Variants in FZD9 observed in about 807,000 individuals in gnomAD.
FZD9 encodes the protein frizzled-9.
FZD9 carries 29 observed loss-of-function variants against 29.9 expected under a neutral mutation model. That is an observed-to-expected ratio of 0.97 (90% CI 0.72 to 1.32). The LOEUF (loss-of-function observed/expected upper bound fraction) is 1.32. Among genes scored for constraint, FZD9 ranks in the 40% most tolerant of loss-of-function variants. The pLI is 0.00. For synonymous variants in FZD9, 384 were observed against 393.9 expected (o/e 0.97, Z 0.30); for missense variants, 822 against 857.8 (o/e 0.96, Z 0.52).
chr7:73,435,598 T>C lies in FZD9; in HGVS notation c.1591T>C (p.Ser531Pro), dbSNP rs575573500. ...CACCAGCGGCGTCTGGGTGTGGAGC[T>C]CCAAGACTTTCCAGACCTGGCAGAG... ...GITSGVWVWS[S>P]KTFQTWQSLC... is the part of the protein sequence containing the mutation. The change falls in exon 1 of 1, where the codon TCC becomes CCC. Residue 531 changes from serine to proline, a missense_variant. By Grantham distance (74) the Ser-to-Pro change is moderately conservative. Coordinates refer to ENST00000344575, the MANE Select transcript of FZD9 (RefSeq NM_003508.3). 30 of 1,613,028 alleles carry C rather than the reference T, an allele frequency of 1.9e-5. No individual in the cohort carries two copies. In the South Asian group the frequency reaches 3.2e-4, roughly 17 times the overall value.
At position 73,434,268 on chromosome 7, in the gene FZD9, C is replaced by T. The variant is rs1157785488; in HGVS notation, c.261C>T (p.His87=). Residue 87 remains histidine, a synonymous_variant, in exon 1 of 1, where the codon CAC becomes CAT. Coordinates refer to ENST00000344575, the MANE Select transcript of FZD9 (RefSeq NM_003508.3). ...TGGTGCAGTACGGCTGCCACAGCCA[C>T]CTGCGCTTCTTCCTGTGCTCGCTCT... The part of the protein sequence containing the change: ...APLVQYGCHS[H]LRFFLCSLYA... The T allele has an allele frequency of 6.3e-7, 1 of 1,588,400 alleles. No individual in the cohort carries two copies. The highest frequency in any genetic ancestry group is 1.7e-5 in the Admixed American group (1 of 58,086).
Position 73,434,636 on chromosome 7 carries a change from C to A in FZD9, c.629C>A (p.Ser210Ter). 1 of 1,595,062 alleles carries A rather than the reference C, an allele frequency of 6.3e-7. No individual in the cohort carries two copies. Among genetic ancestry groups the A allele is most frequent in the Non-Finnish European group, 8.5e-7 (1 of 1,177,064 alleles). ...TTCCAGTACGTGGAGAAGAGCCGCTCGTGCGCACCGCGCTGCGGGCCCGGC... is the reference window on the plus strand; with the variant it reads ...TTCCAGTACGTGGAGAAGAGCCGCTAGTGCGCACCGCGCTGCGGGCCCGGC... ...EKFQYVEKSR[S>*]CAPRCGPGVE... Residue 210 changes from serine to a stop codon, truncating the protein, a stop_gained, in exon 1 of 1, where the codon TCG becomes TAG. Transcript: ENST00000344575. LOFTEE classifies it high-confidence loss of function.
Position 73,435,011 on chromosome 7 carries a change from C to A in FZD9, c.1004C>A (p.Thr335Lys). The A allele has an allele frequency of 6.2e-7, 1 of 1,613,986 alleles. No individual in the cohort carries two copies. Among genetic ancestry groups the A allele is most frequent in the Non-Finnish European group, 8.5e-7 (1 of 1,180,008 alleles). Reference sequence around the variant, plus strand: ...AGCTCGCTCTGGTGGGTGGTCCTGACGCTCACCTGGTTCCTGGCTGCCGGG... The same window carrying A: ...AGCTCGCTCTGGTGGGTGGTCCTGAAGCTCACCTGGTTCCTGGCTGCCGGG... ...MASSLWWVVL[T>K]LTWFLAAGKK... The change falls in exon 1 of 1, where the codon ACG becomes AAG. Residue 335 changes from threonine (T) to lysine (K), a missense_variant. Physicochemically the swap from Thr to Lys is moderately conservative, Grantham distance 78 (BLOSUM62 -1). Coordinates refer to ENST00000344575, the MANE Select transcript of FZD9 (RefSeq NM_003508.3).
rs937700444 is a variant in FZD9 at position 73,436,095 on chromosome 7, T to C, written c.*312T>C. On this transcript the variant is annotated 3_prime_UTR_variant, in exon 1 of 1. Transcript: ENST00000344575. ...TATTGTTGCGTTCCTCTGGAAGCTG[T>C]GACTGGAATAAACCCCCGCGTGGCA... 1.7e-5 allele frequency: 5 copies of C among 291,670 alleles called. No homozygotes were observed. Among genetic ancestry groups the C allele is most frequent in the African/African-American group, 4.4e-5 (2 of 45,402 alleles). 18.1% of individuals were successfully genotyped at this position (291,670 alleles called of 1,614,324 possible). A position where few individuals can be genotyped will look rare whatever the true frequency, so the allele number is the denominator to read the frequency against.
rs1787413218 is a variant in FZD9, at chr7:73,435,841, C to G, written c.*58C>G. Reference sequence around the variant, plus strand: ...CCCTCCTTGCCCTCCACGCCCTGCCCCCTGCATCCCCTAGAGACAGCTGAC... The same window carrying G: ...CCCTCCTTGCCCTCCACGCCCTGCCGCCTGCATCCCCTAGAGACAGCTGAC... On this transcript the variant is annotated 3_prime_UTR_variant, in exon 1 of 1. Transcript: ENST00000344575. 2.0e-6 allele frequency: 3 copies of G among 1,521,334 alleles called. No homozygotes were observed. The highest frequency in any genetic ancestry group is 4.5e-5 in the East Asian group (2 of 43,998). The allele number at this position is 1,521,334 out of a possible 1,614,324, so 94.2% of individuals were successfully genotyped here.
In FZD9 at chr7:73,433,874, G is replaced by T. The variant is rs55668598; in HGVS notation, c.-134G>T. ...CGGGCGGCTGCCCGCTCGCTGCCCAGGGCGCCCGGACACACGTGGGCGGCT... is the reference window on the plus strand; with the variant it reads ...CGGGCGGCTGCCCGCTCGCTGCCCATGGCGCCCGGACACACGTGGGCGGCT... On this transcript the variant is annotated 5_prime_UTR_variant, in exon 1 of 1. It adds an upstream start codon to the 5' untranslated region. Coordinates refer to ENST00000344575, the MANE Select transcript of FZD9 (RefSeq NM_003508.3). 1 of 677,464 alleles carries T rather than the reference G, an allele frequency of 1.5e-6. No homozygotes were observed. The highest frequency in any genetic ancestry group is 6.4e-5 in the South Asian group (1 of 15,554). The allele number at this position is 677,464 out of a possible 1,614,324, so 42.0% of individuals were successfully genotyped here.
Position 73,434,068 on chromosome 7 carries a change from G to A in FZD9, c.61G>A (p.Ala21Thr). Residue 21 changes from alanine to threonine, a missense_variant, in exon 1 of 1, where the codon GCG becomes ACG. Ala to Thr is a moderately conservative substitution (Grantham distance 58, BLOSUM62 0). Coordinates refer to ENST00000344575, the MANE Select transcript of FZD9 (RefSeq NM_003508.3). ...LLWQLLAAGG[A>T]ALEIGRFDPE... is the part of the protein sequence containing the mutation. ...GTGGCAGCTGCTGGCGGCGGGCGGC[G>A]CGGCACTGGAGATCGGCCGCTTCGA... 3 of 1,289,140 alleles carry A rather than the reference G, an allele frequency of 2.3e-6. No homozygotes were observed. The highest frequency in any genetic ancestry group is 2.9e-6 in the Non-Finnish European group (3 of 1,022,914). The allele number at this position is 1,289,140 out of a possible 1,614,324, so 79.9% of individuals were successfully genotyped here.
Position 73,435,745 on chromosome 7 carries a change from A to G in FZD9, c.1738A>G (p.Lys580Glu). Residue 580 changes from lysine to glutamate, a missense_variant, in exon 1 of 1, where the codon AAG (lysine) becomes GAG (glutamate). By Grantham distance (56) the Lys-to-Glu change is moderately conservative. Transcript: ENST00000344575. ...KAPTVVLHMT[K>E]TDPSLENPTH... is the part of the protein sequence containing the mutation. ...TCCCACCGTGGTCTTGCACATGACT[A>G]AGACGGACCCCTCTTTGGAGAACCC... 1 of 1,604,270 alleles carries G rather than the reference A, an allele frequency of 6.2e-7. No homozygotes were observed. The highest frequency in any genetic ancestry group is 1.7e-5 in the Admixed American group (1 of 59,308).
Position 73,433,820 on chromosome 7 carries a change from G to A in FZD9, c.-188G>A. ...GGCTCCGGTGGCAGCGGCGGTGGCG[G>A]CTAGGCGGGCTCGGCGGCTCCTGTC... On this transcript the variant is annotated 5_prime_UTR_variant, in exon 1 of 1. Coordinates refer to ENST00000344575, the MANE Select transcript of FZD9 (RefSeq NM_003508.3). 3.5e-6 allele frequency: 1 copy of A among 288,300 alleles called. No homozygotes were observed. Among genetic ancestry groups the A allele is most frequent in the Non-Finnish European group, 5.3e-6 (1 of 187,646 alleles). The allele number at this position is 288,300 out of a possible 1,614,324, so 17.9% of individuals were successfully genotyped here.
Position 73,435,275 on chromosome 7 carries a change from C to A in FZD9, c.1268C>A (p.Ala423Asp), listed in dbSNP as rs782243057. ...AGTTTCCTCCTGACCGGCTTCGTGGCCCTCTTCCACATCCGCAAGATCATG... is the reference window on the plus strand; with the variant it reads ...AGTTTCCTCCTGACCGGCTTCGTGGACCTCTTCCACATCCGCAAGATCATG... ...GSSFLLTGFV[A>D]LFHIRKIMKT... The change falls in exon 1 of 1, where the codon GCC becomes GAC. Residue 423 changes from alanine to aspartate, a missense_variant. Ala to Asp is a moderately radical substitution (Grantham distance 126). Coordinates refer to ENST00000344575, the MANE Select transcript of FZD9 (RefSeq NM_003508.3). 55 of 1,613,666 alleles carry A rather than the reference C, an allele frequency of 3.4e-5. No individual in the cohort carries two copies. Among genetic ancestry groups the A allele is most frequent in the Non-Finnish European group, 4.6e-5 (54 of 1,179,938 alleles).
rs781785546 is a variant in FZD9, at chr7:73,434,761, A to G, written c.754A>G (p.Thr252Ala). The G allele has an allele frequency of 6.2e-7, 1 of 1,611,898 alleles. No homozygotes were observed. Among genetic ancestry groups the G allele is most frequent in the East Asian group, 2.2e-5 (1 of 44,864 alleles). The part of the protein sequence containing the change: ...CFFSTAFTVL[T>A]FLLEPHRFQY... ...CTTCTCCACCGCCTTCACTGTGCTCACCTTCTTGCTGGAGCCCCACCGCTT... is the reference window on the plus strand; with the variant it reads ...CTTCTCCACCGCCTTCACTGTGCTCGCCTTCTTGCTGGAGCCCCACCGCTT... The change falls in exon 1 of 1, where the codon ACC becomes GCC. Residue 252 changes from threonine (T) to alanine (A), a missense_variant. Thr to Ala is a moderately conservative substitution (Grantham distance 58). Transcript: ENST00000344575.
At position 73,434,877 on chromosome 7, in the gene FZD9, G is replaced by A; in HGVS notation, c.870G>A (p.Gln290=). The change falls in exon 1 of 1, where the codon CAG becomes CAA. Residue 290 remains glutamine (Q), a synonymous_variant. Transcript: ENST00000344575. ...AFLIRAVAGA[Q]SVACDQEAGA... ...TGATCCGTGCGGTGGCCGGAGCGCA[G>A]AGCGTGGCCTGTGACCAGGAGGCGG... 6.2e-7 allele frequency: 1 copy of A among 1,613,584 alleles called. No homozygotes were observed. Among genetic ancestry groups the A allele is most frequent in the South Asian group, 1.1e-5 (1 of 91,076 alleles).
chr7:73,434,493 C>T lies in FZD9; in HGVS notation c.486C>T (p.Gly162=), dbSNP rs1554563313. ...AGGCGCCCGAGAACGCCACGGCCGGCCCCGCGGAGCCCCACAAGGGCCTGG... is the reference window on the plus strand; with the variant it reads ...AGGCGCCCGAGAACGCCACGGCCGGTCCCGCGGAGCCCCACAAGGGCCTGG... ...CMEAPENATA[G]PAEPHKGLGM... Residue 162 remains glycine (G), a synonymous_variant, in exon 1 of 1, where the codon GGC becomes GGT. Coordinates refer to ENST00000344575, the MANE Select transcript of FZD9 (RefSeq NM_003508.3). 2 of 1,471,850 alleles carry T rather than the reference C, an allele frequency of 1.4e-6. No homozygotes were observed. Among genetic ancestry groups the T allele is most frequent in the South Asian group, 2.6e-5 (2 of 76,246 alleles). 91.2% of individuals were successfully genotyped at this position (1,471,850 alleles called of 1,614,324 possible).
In FZD9 at chr7:73,434,251, T is replaced by C. The variant is rs1416324972; in HGVS notation, c.244T>C (p.Tyr82His). ...ELAEFAPLVQ[Y>H]GCHSHLRFFL... ...AGCGGAGTTCGCGCCGCTGGTGCAG[T>C]ACGGCTGCCACAGCCACCTGCGCTT... is the stretch of plus-strand genomic sequence containing the variant. The change falls in exon 1 of 1, where the codon TAC becomes CAC. Residue 82 changes from tyrosine to histidine, a missense_variant. Physicochemically the swap from Tyr to His is moderately conservative, Grantham distance 83. Transcript: ENST00000344575. The C allele has an allele frequency of 1.3e-6, 2 of 1,588,376 alleles. No homozygotes were observed. The highest frequency in any genetic ancestry group is 8.5e-7 in the Non-Finnish European group (1 of 1,174,224).
rs1237708463 is a variant in FZD9 at position 73,435,653 on chromosome 7, G to T, written c.1646G>T (p.Arg549Leu). ...TGCTACCGCAAGATAGCAGCTGGCCGGGCCCGGGCCAAGGCCTGCCGCGCC... is the reference window on the plus strand; with the variant it reads ...TGCTACCGCAAGATAGCAGCTGGCCTGGCCCGGGCCAAGGCCTGCCGCGCC... ...SLCYRKIAAG[R>L]ARAKACRAPG... The change falls in exon 1 of 1, where the codon CGG (arginine) becomes CTG (leucine). Residue 549 changes from arginine to leucine, a missense_variant. Physicochemically the swap from Arg to Leu is moderately radical, Grantham distance 102. Coordinates refer to ENST00000344575, the MANE Select transcript of FZD9 (RefSeq NM_003508.3). 6.2e-7 allele frequency: 1 copy of T among 1,613,096 alleles called. No individual in the cohort carries two copies. The highest frequency in any genetic ancestry group is 2.2e-5 in the East Asian group (1 of 44,874).
chr7:73,433,998 G>A lies in FZD9; in HGVS notation c.-10G>A. 1 of 1,206,140 alleles carries A rather than the reference G, an allele frequency of 8.3e-7. No homozygotes were observed. The allele number at this position is 1,206,140 out of a possible 1,614,324, so 74.7% of individuals were successfully genotyped here. A position where few individuals can be genotyped will look rare whatever the true frequency, so the allele number is the denominator to read the frequency against. ...GGCCGCGCTCCCGCCTTCGGCCCGG[G>A]CCTCCCGGGATGGCCGTGGCGCCTC... On this transcript the variant is annotated 5_prime_UTR_variant, in exon 1 of 1. Coordinates refer to ENST00000344575, the MANE Select transcript of FZD9 (RefSeq NM_003508.3).
In FZD9 at chr7:73,435,599, C is replaced by T. The variant is rs1554563643; in HGVS notation, c.1592C>T (p.Ser531Phe). ...ACCAGCGGCGTCTGGGTGTGGAGCT[C>T]CAAGACTTTCCAGACCTGGCAGAGC... Reference protein sequence around the residue: ...GITSGVWVWSSKTFQTWQSLC... With the variant: ...GITSGVWVWSFKTFQTWQSLC... The change falls in exon 1 of 1, where the codon TCC (serine) becomes TTC (phenylalanine). Residue 531 changes from serine to phenylalanine, a missense_variant. By Grantham distance (155) the Ser-to-Phe change is radical. Transcript: ENST00000344575. The T allele has an allele frequency of 1.2e-6, 2 of 1,613,230 alleles. No homozygotes were observed. The highest frequency in any genetic ancestry group is 2.2e-5 in the East Asian group (1 of 44,874).
chr7:73,435,816 C>T lies in FZD9; in HGVS notation c.*33C>T. Reference sequence around the variant, plus strand: ...GGCCTGGCGCGGGGTGGCTGCTGCCCCCTCCTTGCCCTCCACGCCCTGCCC... The same window carrying T: ...GGCCTGGCGCGGGGTGGCTGCTGCCTCCTCCTTGCCCTCCACGCCCTGCCC... On this transcript the variant is annotated 3_prime_UTR_variant, in exon 1 of 1. Coordinates refer to ENST00000344575, the MANE Select transcript of FZD9 (RefSeq NM_003508.3). The T allele has an allele frequency of 6.5e-7, 1 of 1,537,206 alleles. No individual in the cohort carries two copies.
Position 73,433,928 on chromosome 7 carries a change from C to A in FZD9, c.-80C>A, listed in dbSNP as rs532115159. ...CGATGGCCCGCGCCCCGCGACGTGG[C>A]GGGCAGGCACCGGGGCGCGGGACCG... On this transcript the variant is annotated 5_prime_UTR_variant, in exon 1 of 1. Transcript: ENST00000344575. 1,748 of 1,067,164 alleles carry A rather than the reference C, an allele frequency of 1.6e-3. 7 individuals carry two copies. The highest frequency in any genetic ancestry group is 1.9e-3 in the Non-Finnish European group (1,638 of 878,540). The allele number at this position is 1,067,164 out of a possible 1,614,324, so 66.1% of individuals were successfully genotyped here. A position where few individuals can be genotyped will look rare whatever the true frequency, so the allele number is the denominator to read the frequency against.
Sources: gnomAD v4.1 joint callset for allele counts on GRCh38, gnomAD v4.1.1 for gene constraint, MANE v1.5 for transcripts, NCBI Gene and HGNC (gene_info 2026-07-23, HGNC 2026-07-21) for gene names.